Variants in RASAL3 observed in about 807,000 individuals in gnomAD.
RASAL3 encodes the protein RAS protein activator like 3.
In RASAL3, 74 loss-of-function variants were observed where a neutral mutation model predicts 105.5. The ratio of observed to expected loss-of-function variants is 0.70; its 90% CI spans 0.58 to 0.85. The LOEUF (loss-of-function observed/expected upper bound fraction) is 0.85, where lower values mean the gene tolerates loss of function less well. RASAL3 is among the 40% of genes least tolerant of loss of function. The probability of loss-of-function intolerance (pLI) is 0.00; values close to 1 mark genes in which losing one functional copy is unlikely to be tolerated. For missense variants in RASAL3, 1,352 were observed against 1,392.0 expected (o/e 0.97, Z 0.46); for synonymous variants, 579 against 591.6 (o/e 0.98, Z 0.31).
rs750999746 is a variant in RASAL3, at chr19:15,453,288, T to G, written c.2489A>C (p.Gln830Pro). The G allele has an allele frequency of 5.3e-6, 8 of 1,515,954 alleles. No individual in the cohort carries two copies. The Admixed American group carries it at 8.8e-5, about 17-fold the overall frequency. 93.9% of individuals were successfully genotyped at this position (1,515,954 alleles called of 1,614,324 possible). Residue 830 changes from glutamine to proline, a missense_variant, in exon 15 of 18, where the codon CAA becomes CCA. Physicochemically the swap from Gln to Pro is moderately conservative, Grantham distance 76. Coordinates refer to ENST00000343625, the MANE Select transcript of RASAL3 (RefSeq NM_022904.3). The surrounding 1 kb of genome is among the most constrained non-coding windows in gnomAD (Gnocchi z 4.2). ...VPVRRPARRR[Q>P]SAGPWPRPKG... is the part of the protein sequence containing the mutation. ...GGGTCGCGGCCAGGGCCCCGCAGAT[T>G]GGCGGCGGCGGGCAGGACGCCGGAC...
At position 15,457,739 on chromosome 19, in the gene RASAL3, G is replaced by A. The variant is rs1172204746; in HGVS notation, c.984C>T (p.Ala328=). Residue 328 remains alanine (A), a synonymous_variant, in exon 9 of 18, where the codon GCC becomes GCT. Coordinates refer to ENST00000343625, the MANE Select transcript of RASAL3 (RefSeq NM_022904.3). The surrounding 1 kb of genome is among the most constrained non-coding windows in gnomAD (Gnocchi z 8.6). ...GCAGCGCGCCATCCAGCCACAGCTC[G>A]GCGCGCACGCCGGGTGCCCCCGCCG... ...RAAAGAPGVR[A]ELWLDGALLA... 6.5e-7 allele frequency: 1 copy of A among 1,539,716 alleles called. No homozygotes were observed. The highest frequency in any genetic ancestry group is 8.7e-7 in the Non-Finnish European group (1 of 1,142,912).
chr19:15,454,719 G>A lies in RASAL3; in HGVS notation c.1896C>T (p.Pro632=), dbSNP rs775775781. Residue 632 remains proline (P), a synonymous_variant, in exon 12 of 18, where the codon CCC becomes CCT. Transcript: ENST00000343625. ...LFGLAPDHPA[P]GPARTLTLIA... is the part of the protein sequence containing the mutation. Reference sequence around the variant, plus strand: ...TCAGTGTGAGGGTGCGGGCTGGGCCGGGTGCTGGATGGTCTGGTGCCAAAC... The same window carrying A: ...TCAGTGTGAGGGTGCGGGCTGGGCCAGGTGCTGGATGGTCTGGTGCCAAAC... The A allele has an allele frequency of 2.5e-6, 4 of 1,610,952 alleles. No homozygotes were observed. The highest frequency in any genetic ancestry group is 1.7e-4 in the Middle Eastern group (1 of 5,998).
chr19:15,453,358 GC>G lies in RASAL3; in HGVS notation c.2418del (p.Leu808CysfsTer35). On this transcript the variant is annotated frameshift_variant, in exon 15 of 18. Transcript: ENST00000343625. LOFTEE classifies it high-confidence loss of function. The surrounding 1 kb of genome is among the most constrained non-coding windows in gnomAD (Gnocchi z 4.2). The stretch of plus-strand genomic sequence containing the variant: ...TGCACCGGCCGGGGCCGCCGCAGGG[GC>G]CGCTCTTCGTCCGGCCGTGGCCGGG... ...SWARPRPDEE[R>X]PLRRPRPVQR... The G allele has an allele frequency of 7.0e-7, 1 of 1,436,396 alleles. No homozygotes were observed. Among genetic ancestry groups the G allele is most frequent in the South Asian group, 1.4e-5 (1 of 69,586 alleles). 89.0% of individuals were successfully genotyped at this position (1,436,396 alleles called of 1,614,324 possible).
intron 11 of RASAL3, among the ~76,000 whole-genome samples, chr19:15,455,147 G>A (rs11672335): frequency 5.9e-5 from 9 of 152,132 alleles, no homozygotes; most frequent in Non-Finnish European, 1.0e-4. Context: ...TATGGCAATC[G>A]CTGGGGATAA....
Position 15,457,651 on chromosome 19 carries a change from C to G in RASAL3, c.1072G>C (p.Glu358Gln), listed in dbSNP as rs1307326292. The G allele has an allele frequency of 7.0e-6, 10 of 1,426,736 alleles. No individual in the cohort carries two copies. The South Asian group carries it at 1.3e-4, about 19-fold the overall frequency. 88.4% of individuals were successfully genotyped at this position (1,426,736 alleles called of 1,614,324 possible). A position where few individuals can be genotyped will look rare whatever the true frequency, so the allele number is the denominator to read the frequency against. ...AGGCGACGTGCCGGTGGCAGCGCCT[C>G]GAAGTGGAAGCGCTCGGCCCAGAAG... ...QLFWAERFHF[E>Q]ALPPARRLSL... is the part of the protein sequence containing the mutation. The change falls in exon 9 of 18, where the codon GAG (glutamate) becomes CAG (glutamine). Residue 358 changes from glutamate to glutamine, a missense_variant. Coordinates refer to ENST00000343625, the MANE Select transcript of RASAL3 (RefSeq NM_022904.3). This position sits in a 1 kb window ranked among gnomAD's most constrained non-coding sequence, Gnocchi z 8.6.
chr19:15,451,733 C>T lies in RASAL3; in HGVS notation c.*62G>A. ...AGTAGGGCTAAGGCAAAGTCAGACA[C>T]CCCCCCTAAGATGGCTATCTCTCTG... On this transcript the variant is annotated 3_prime_UTR_variant, in exon 18 of 18. Transcript: ENST00000343625. The T allele has an allele frequency of 1.3e-6, 2 of 1,525,142 alleles. No homozygotes were observed. Among genetic ancestry groups the T allele is most frequent in the Non-Finnish European group, 1.8e-6 (2 of 1,126,010 alleles). 94.5% of individuals were successfully genotyped at this position (1,525,142 alleles called of 1,614,324 possible).
At position 15,464,289 on chromosome 19, in the gene RASAL3, G is replaced by C. The variant is rs1411510013; in HGVS notation, c.70C>G (p.Arg24Gly). ...PTATSPLTSY[R>G]WHTGGGGEKA... is the part of the protein sequence containing the mutation. ...TCCCCACCGCCCCCTGTGTGCCAGC[G>C]GTAGGAAGTCAGCGGAGAGGTGGCT... The change falls in exon 2 of 18, where the codon CGC becomes GGC. Residue 24 changes from arginine (R) to glycine (G), a missense_variant. Physicochemically the swap from Arg to Gly is moderately radical, Grantham distance 125. Transcript: ENST00000343625. The C allele has an allele frequency of 6.2e-7, 1 of 1,612,314 alleles. No individual in the cohort carries two copies. Among genetic ancestry groups the C allele is most frequent in the African/African-American group, 1.3e-5 (1 of 74,916 alleles).
intron 2 of RASAL3, among the ~76,000 whole-genome samples, chr19:15,463,101 A>G (rs1186033447): frequency 7.7e-6 from 1 of 129,222 alleles, no homozygotes; most frequent in Non-Finnish European, 1.6e-5. Flanking sequence ...TTTTTCTTCC[A>G]TTGAGATGGA....
intron 2 of RASAL3, among the ~76,000 whole-genome samples, chr19:15,462,164 G>A (rs1427620915): frequency 6.6e-6 from 1 of 151,978 alleles, no homozygotes. Flanking sequence ...ACCAGCCTGG[G>A]CAACATAACA....
In RASAL3 at chr19:15,457,174, C is replaced by A. The variant is rs922823871; in HGVS notation, c.1431+118G>T. ...ACACTTGGACCACGCCCCTCACACC[C>A]CTTCAAGGTGTCTCCCCCATTACAG... On this transcript the variant is annotated intron_variant, in intron 9 of 17. Coordinates refer to ENST00000343625, the MANE Select transcript of RASAL3 (RefSeq NM_022904.3). This position sits in a 1 kb window ranked among gnomAD's most constrained non-coding sequence, Gnocchi z 8.6. 1 of 890,694 alleles carries A rather than the reference C, an allele frequency of 1.1e-6. No individual in the cohort carries two copies. 55.2% of individuals were successfully genotyped at this position (890,694 alleles called of 1,614,324 possible).
At chr19:15,458,811 T>C (rs1312245219) in intron 6 of RASAL3, among the ~76,000 whole-genome samples, 156 bp from the exon 7 acceptor site, 4 of 111,316 alleles carry the variant, frequency 3.6e-5, no homozygotes, top group Non-Finnish European at 6.9e-5. Context: ...CCTCCTTGCT[T>C]TTAGGATAAA....
rs773536445 is a variant in RASAL3, at chr19:15,454,932, C to A, written c.1722-39G>T. ...GGCAATGAATGGTCAGACGGGGAGG[C>A]TATGGGCATAAAGGTTAAAGTCATA... On this transcript the variant is annotated intron_variant, in intron 11 of 17. Coordinates refer to ENST00000343625, the MANE Select transcript of RASAL3 (RefSeq NM_022904.3). 4 of 1,460,740 alleles carry A rather than the reference C, an allele frequency of 2.7e-6. No homozygotes were observed. The East Asian group carries it at 9.9e-5, about 36-fold the overall frequency. 90.5% of individuals were successfully genotyped at this position (1,460,740 alleles called of 1,614,324 possible). A position where few individuals can be genotyped will look rare whatever the true frequency, so the allele number is the denominator to read the frequency against.
Position 15,456,216 on chromosome 19 carries a change from C to T in RASAL3, c.1609G>A (p.Glu537Lys). 6.2e-7 allele frequency: 1 copy of T among 1,613,820 alleles called. No individual in the cohort carries two copies. Among genetic ancestry groups the T allele is most frequent in the Non-Finnish European group, 8.5e-7 (1 of 1,179,804 alleles). ...QVVRRLCAST[E>K]DCEVDPSKCP... ...TTGCTGGGGTCCACTTCACAGTCCT[C>T]AGTAGAAGCACAGAGACGCCGCACA... is the stretch of plus-strand genomic sequence containing the variant. Residue 537 changes from glutamate (E) to lysine (K), a missense_variant, in exon 11 of 18, where the codon GAG becomes AAG. This residue lies in a region of RASAL3 where 920 missense variants were observed against 919.6 expected (regional missense o/e 1.00). Transcript: ENST00000343625. The surrounding 1 kb of genome is among the most constrained non-coding windows in gnomAD (Gnocchi z 4.4).
In RASAL3 at chr19:15,461,426, T is replaced by C. The variant is rs1313588199; in HGVS notation, c.465+45A>G. On this transcript the variant is annotated intron_variant, in intron 3 of 17. Transcript: ENST00000343625. ...CCCTGCCTCTGTTCTGCCCTCCTCC[T>C]TTTTCTTTCTTCCCTCCTCCCCTTT... 3.3e-6 allele frequency: 5 copies of C among 1,536,316 alleles called. 1 individual carries two copies. Among genetic ancestry groups the C allele is most frequent in the Non-Finnish European group, 2.6e-6 (3 of 1,135,962 alleles).
At position 15,461,571 on chromosome 19, in the gene RASAL3, G is replaced by C. The variant is rs1970512311; in HGVS notation, c.365C>G (p.Pro122Arg). The part of the protein sequence containing the change: ...EPEPELEPPT[P>R]QIPEAPTPNV... ...GGGTGTGGGGGCCTCAGGGATCTGT[G>C]GGGTAGGGGGCTCCAGCTCTGGCTC... Residue 122 changes from proline to arginine, a missense_variant, in exon 3 of 18, where the codon CCA (proline) becomes CGA (arginine). Physicochemically the swap from Pro to Arg is moderately radical, Grantham distance 103. Transcript: ENST00000343625. The C allele has an allele frequency of 6.5e-7, 1 of 1,531,828 alleles. No individual in the cohort carries two copies. Among genetic ancestry groups the C allele is most frequent in the South Asian group, 1.3e-5 (1 of 79,340 alleles). The allele number at this position is 1,531,828 out of a possible 1,614,324, so 94.9% of individuals were successfully genotyped here.
At position 15,453,510 on chromosome 19, in the gene RASAL3, T is replaced by C. The variant is rs373662111; in HGVS notation, c.2280-13A>G. 27 of 1,509,104 alleles carry C rather than the reference T, an allele frequency of 1.8e-5. No homozygotes were observed. Among genetic ancestry groups the C allele is most frequent in the Non-Finnish European group, 2.4e-5 (27 of 1,137,756 alleles). The allele number at this position is 1,509,104 out of a possible 1,614,324, so 93.5% of individuals were successfully genotyped here. A position where few individuals can be genotyped will look rare whatever the true frequency, so the allele number is the denominator to read the frequency against. ...CCCTGCGGAGAGGCTAGGGGTGGGA[T>C]GGAGGATCTTAGACCCTCCACTGGC... On this transcript the variant is annotated splice_polypyrimidine_tract_variant and intron_variant, in intron 14 of 17. Transcript: ENST00000343625. The surrounding 1 kb of genome is among the most constrained non-coding windows in gnomAD (Gnocchi z 4.2).
intron 6 of RASAL3, among the ~76,000 whole-genome samples, chr19:15,459,772 A>G (rs1486890870): frequency 1.3e-5 from 2 of 152,144 alleles, no homozygotes; most frequent in African/African-American, 4.8e-5. Flanking sequence ...CCTAGACTCA[A>G]GCAGTCTGCC....
chr19:15,461,661 G>T (rs1175462658), intron 2 of RASAL3, 54 bp from the exon 3 acceptor site: 9 of 1,449,888 alleles, frequency 6.2e-6, no homozygotes, highest in Non-Finnish European at 5.4e-6. Flanking sequence ...TCTCCCTCAG[G>T]CTACCCTTTC....
intron 14 of RASAL3, 35 bp downstream of exon 14, chr19:15,454,114 C>T: frequency 6.8e-7 from 1 of 1,469,634 alleles, no homozygotes; most frequent in Non-Finnish European, 9.3e-7. Context: ...CTTCCTGTTC[C>T]CACCCATCAG....
Sources: allele counts gnomAD v4.1 joint callset (sites outside exome capture counted in the v4.1 genomes callset), GRCh38; gene constraint gnomAD v4.1.1; regional missense constraint gnomAD v4.1.1; non-coding constraint Gnocchi (gnomAD v3.1); transcripts MANE v1.5; gene names NCBI Gene and HGNC (gene_info 2026-07-23, HGNC 2026-07-21).